Variants in DTNB observed in about 807,000 individuals in gnomAD.
DTNB encodes DTN-B.
Under a neutral mutation model 90.7 loss-of-function variants are expected in DTNB, and 63 were observed. The observed-to-expected ratio is 0.69, with a 90% CI of 0.57 to 0.86. The LOEUF (loss-of-function observed/expected upper bound fraction) is 0.86, where lower values mean the gene tolerates loss of function less well. Among genes scored for constraint, DTNB ranks in the 40% least tolerant of loss-of-function variants. The pLI, the probability that DTNB is intolerant of heterozygous loss-of-function variation, is 0.00. For synonymous variants in DTNB, 277 were observed against 286.7 expected, an observed-to-expected ratio of 0.97 and a Z score of 0.34; for missense variants, 744 against 807.1, an observed-to-expected ratio of 0.92 and a Z score of 0.95.
chr2:25,586,675 A>G (rs1419617296), intron 6 of DTNB, among the ~76,000 whole-genome samples: 1 of 152,140 alleles, frequency 6.6e-6, no homozygotes, highest in Non-Finnish European at 1.5e-5. Flanking sequence ...ATGGAAGTAG[A>G]GAAGAGGACA....
intron 10 of DTNB, among the ~76,000 whole-genome samples, chr2:25,479,995 ACATT>A (rs908156600): frequency 5.9e-5 from 9 of 152,168 alleles, no homozygotes; most frequent in Non-Finnish European, 1.2e-4. Flanking sequence ...AGGTCTGTCC[ACATT>A]CAGAGGAGGG....
chr2:25,514,272 C>T (rs867076215), intron 9 of DTNB, among the ~76,000 whole-genome samples: 44 of 152,012 alleles, frequency 2.9e-4, no homozygotes, highest in African/African-American at 9.7e-4. Context: ...GCACATCAGG[C>T]AAAGGAACCA....
intron 5 of DTNB, among the ~76,000 whole-genome samples, chr2:25,603,227 G>A (rs548369644): frequency 6.6e-6 from 1 of 152,300 alleles, no homozygotes; most frequent in Non-Finnish European, 1.5e-5. Flanking sequence ...AAATTGCACA[G>A]TCAAATTAAT....
At chr2:25,496,445 C>A (rs1442348091) in intron 9 of DTNB, among the ~76,000 whole-genome samples, 1 of 152,094 alleles carries the variant, frequency 6.6e-6, no homozygotes, top group African/African-American at 2.4e-5. Flanking sequence ...AGTCATTTCC[C>A]GACCTGTTCA....
At chr2:25,664,847 G>C (rs370902922) in intron 1 of DTNB, among the ~76,000 whole-genome samples, 1 of 152,118 alleles carries the variant, frequency 6.6e-6, no homozygotes, top group African/African-American at 2.4e-5. Context: ...ATGCTAAAGC[G>C]CTAGAGCCCA....
chr2:25,601,352 AAC>A lies in DTNB; in HGVS notation c.449-5114_449-5113del, dbSNP rs1408468291. 3.9e-5 allele frequency among the ~76,000 whole-genome samples: 6 copies of A among 152,338 alleles called. No homozygotes were observed. In the South Asian group the frequency reaches 1.2e-3, roughly 32 times the overall value. ...ACCTCTGAAAGTATGCTAATTCCCT[AAC>A]AGTTATTTCCAGCTAAAAAGGAAGC... On this transcript the variant is annotated intron_variant, in intron 5 of 20. Coordinates refer to ENST00000406818, the MANE Select transcript of DTNB (RefSeq NM_021907.5).
At chr2:25,537,510 T>C (rs2080102881) in intron 8 of DTNB, among the ~76,000 whole-genome samples, 1 of 152,162 alleles carries the variant, frequency 6.6e-6, no homozygotes, top group Non-Finnish European at 1.5e-5. Flanking sequence ...TAAAGACATG[T>C]AATTAGAGTA....
At chr2:25,568,514 T>C (rs981847711) in intron 8 of DTNB, among the ~76,000 whole-genome samples, 1 of 152,098 alleles carries the variant, frequency 6.6e-6, no homozygotes, top group Non-Finnish European at 1.5e-5. Flanking sequence ...CCAAAATACT[T>C]TACTTAAAAA....
chr2:25,605,465 G>A (rs2066904584), intron 5 of DTNB, among the ~76,000 whole-genome samples: 1 of 152,166 alleles, frequency 6.6e-6, no homozygotes, highest in African/African-American at 2.4e-5. Context: ...CTTCCAAACC[G>A]AGAACTAGAA....
At chr2:25,662,681 A>AACAC (rs35136841) in intron 1 of DTNB, among the ~76,000 whole-genome samples, 1,606 of 104,492 alleles carry the variant, frequency 0.015, 18 homozygotes, top group East Asian at 0.03. Flanking sequence ...CACACACACA[A>AACAC]ACACACACAC....
intron 16 of DTNB, among the ~76,000 whole-genome samples, chr2:25,412,423 C>T (rs1490016233): frequency 6.6e-6 from 1 of 152,188 alleles, no homozygotes; most frequent in Non-Finnish European, 1.5e-5. Context: ...CCACTAATCA[C>T]ATTATTTTCA....
intron 8 of DTNB, among the ~76,000 whole-genome samples, chr2:25,539,041 A>G (rs940950276): frequency 2.6e-5 from 4 of 152,304 alleles, no homozygotes; most frequent in East Asian, 3.9e-4. Context: ...TCACTCAGTT[A>G]TGTTACAATT....
rs11395783 is a variant in DTNB, at chr2:25,408,538, C to CAAAAAAA, written c.1575+10970_1575+10976dup. Among the ~76,000 whole-genome samples, 7 of 32,708 alleles carry CAAAAAAA rather than the reference C, an allele frequency of 2.1e-4. 1 individual carries two copies. The highest frequency in any genetic ancestry group is 1.6e-3 in the East Asian group (2 of 1,244). The allele number at this position is 32,708 out of a possible 152,430, so 21.5% of individuals were successfully genotyped here. ...TGGACACCAGAGTGAGACTCCATCT[C>CAAAAAAA]AAAAAAAAAAAAAAAAAAAAAAAAA... On this transcript the variant is annotated intron_variant, in intron 16 of 20. Transcript: ENST00000406818.
At chr2:25,394,084 T>C (rs1232061700) in intron 16 of DTNB, among the ~76,000 whole-genome samples, 1 of 151,880 alleles carries the variant, frequency 6.6e-6, no homozygotes, top group Non-Finnish European at 1.5e-5. Context: ...AACCCAGAAA[T>C]AAAGCCAAAT....
At chr2:25,430,905 A>G (rs974702455) in intron 14 of DTNB, among the ~76,000 whole-genome samples, 14 of 152,200 alleles carry the variant, frequency 9.2e-5, no homozygotes, top group African/African-American at 3.1e-4. Flanking sequence ...AAATAATAAT[A>G]AAGGAAGAAA....
chr2:25,448,243 C>A (rs1377486310), intron 12 of DTNB, among the ~76,000 whole-genome samples: 1 of 152,260 alleles, frequency 6.6e-6, no homozygotes, highest in South Asian at 2.1e-4. Context: ...ACTGTTAGTT[C>A]CATGAGGGCA....
intron 8 of DTNB, among the ~76,000 whole-genome samples, chr2:25,561,398 A>G (rs2058243864): frequency 6.6e-6 from 1 of 152,160 alleles, no homozygotes; most frequent in Non-Finnish European, 1.5e-5. Context: ...TACCAACCTC[A>G]AGTTAGTCAT....
At chr2:25,416,331 A>T (rs1045309589) in intron 16 of DTNB, among the ~76,000 whole-genome samples, 2 of 152,254 alleles carry the variant, frequency 1.3e-5, no homozygotes, top group Non-Finnish European at 2.9e-5. Flanking sequence ...TTTGGGAAGC[A>T]CATCTAATAA....
chr2:25,653,992 T>TC (rs903233030), intron 1 of DTNB, among the ~76,000 whole-genome samples: 2 of 152,132 alleles, frequency 1.3e-5, no homozygotes, highest in Non-Finnish European at 2.9e-5. Context: ...TCTCCTTTTT[T>TC]CCCCTCATCC....
Sources: allele counts gnomAD v4.1 joint callset (sites outside exome capture counted in the v4.1 genomes callset), GRCh38; gene constraint gnomAD v4.1.1; transcripts MANE v1.5; gene names NCBI Gene and HGNC (gene_info 2026-07-23, HGNC 2026-07-21).